The following DLG2 variants were observed in gnomAD, a reference collection of about 807,000 sequenced individuals.
DLG2 encodes the protein disks large homolog 2.
A neutral mutation model predicts 132.5 loss-of-function variants in DLG2; 45 were observed. The ratio of observed to expected loss-of-function variants is 0.34; its 90% CI spans 0.27 to 0.44. The LOEUF is 0.44. Among genes scored for constraint, DLG2 ranks in the 20% least tolerant of loss-of-function variants. DLG2 has a pLI of 1.00. For missense variants in DLG2, 1,045 were observed against 1,196.9 expected, an observed-to-expected ratio of 0.87 and a Z score of 1.87; for synonymous variants, 424 against 419.6, an observed-to-expected ratio of 1.01 and a Z score of -0.13.
At chr11:85,413,204 ATCT>A (rs1183187845) in intron 3 of DLG2, among the ~76,000 whole-genome samples, 1 of 151,848 alleles carries the variant, frequency 6.6e-6, no homozygotes, top group Non-Finnish European at 1.5e-5. Context: ...CCATTTGTAT[ATCT>A]TCTTTTGAGA....
chr11:84,387,125 C>A (rs1356469113), intron 7 of DLG2, among the ~76,000 whole-genome samples: 1 of 151,968 alleles, frequency 6.6e-6, no homozygotes, highest in Non-Finnish European at 1.5e-5. Context: ...AGTTGAGTCC[C>A]AGGTCATCCC....
chr11:83,555,146 G>A (rs1318619166), intron 19 of DLG2, among the ~76,000 whole-genome samples: 1 of 152,222 alleles, frequency 6.6e-6, no homozygotes, highest in African/African-American at 2.4e-5. Flanking sequence ...GGTGGGCAGA[G>A]GGAGCTGCAC....
chr11:84,776,839 T>G lies in DLG2; in HGVS notation c.358-242108A>C, dbSNP rs542414140. ...TTGGTATCTTTCCAGCTATAGAAGATTAGGGATAAATCTGCTATAAGTATT... is the reference window on the plus strand; with the variant it reads ...TTGGTATCTTTCCAGCTATAGAAGAGTAGGGATAAATCTGCTATAAGTATT... On this transcript the variant is annotated intron_variant, in intron 6 of 27. Transcript: ENST00000376104. Among the ~76,000 whole-genome samples the G allele has an allele frequency of 9.9e-5, 15 of 152,280 alleles. No homozygotes were observed. The South Asian group carries it at 3.1e-3, about 32-fold the overall frequency.
chr11:83,737,454 T>C (rs1047478424), intron 18 of DLG2, among the ~76,000 whole-genome samples: 1 of 152,228 alleles, frequency 6.6e-6, no homozygotes, highest in Non-Finnish European at 1.5e-5. Context: ...GGCATACATT[T>C]TCATGCTCTC....
At chr11:83,613,022 C>T (rs563991017) in intron 19 of DLG2, among the ~76,000 whole-genome samples, 1 of 152,306 alleles carries the variant, frequency 6.6e-6, no homozygotes, top group Non-Finnish European at 1.5e-5. Flanking sequence ...CACGTGGAAA[C>T]AGAACATCCC....
intron 6 of DLG2, among the ~76,000 whole-genome samples, chr11:84,980,311 T>A (rs1381189503): frequency 6.6e-6 from 1 of 152,148 alleles, no homozygotes. Context: ...CTACCCAGCA[T>A]TTAAAATGGT....
At chr11:84,880,310 T>C (rs2087095659) in intron 6 of DLG2, among the ~76,000 whole-genome samples, 1 of 152,062 alleles carries the variant, frequency 6.6e-6, no homozygotes, top group Non-Finnish European at 1.5e-5. Context: ...ACTTAAAACA[T>C]GAATAATTTC....
At chr11:84,696,364 G>T (rs2058614988) in intron 6 of DLG2, among the ~76,000 whole-genome samples, 1 of 151,332 alleles carries the variant, frequency 6.6e-6, no homozygotes, top group Non-Finnish European at 1.5e-5. Context: ...ATAAAATTGG[G>T]GCTTAGAGAA....
At chr11:84,244,217 C>G (rs768542313) in intron 8 of DLG2, among the ~76,000 whole-genome samples, 7 of 152,104 alleles carry the variant, frequency 4.6e-5, no homozygotes, top group Non-Finnish European at 8.8e-5. Context: ...GAGTCTCACT[C>G]TCTCACCCAG....
chr11:85,141,337 A>T (rs898846633), intron 5 of DLG2, among the ~76,000 whole-genome samples: 1 of 151,832 alleles, frequency 6.6e-6, no homozygotes, highest in Non-Finnish European at 1.5e-5. Context: ...AGTATTTTTC[A>T]TATATCTATT....
intron 15 of DLG2, among the ~76,000 whole-genome samples, chr11:83,920,398 C>A (rs1309225871): frequency 6.6e-6 from 1 of 152,148 alleles, no homozygotes; most frequent in Non-Finnish European, 1.5e-5. Context: ...TAAAATTCTA[C>A]ATTCTAAAAT....
intron 17 of DLG2, among the ~76,000 whole-genome samples, chr11:83,813,723 C>T (rs200582409): frequency 1.3e-5 from 2 of 152,076 alleles, no homozygotes; most frequent in East Asian, 1.9e-4. Flanking sequence ...ATAAGTCTAC[C>T]TTCATTTCTG....
intron 18 of DLG2, among the ~76,000 whole-genome samples, chr11:83,668,686 TATATATGTGTATATAAACAC>T (rs1474585735): frequency 6.0e-5 from 1 of 16,748 alleles, no homozygotes. Flanking sequence ...TGTATGTGTA[TATATATGTGTATATAAACAC>T]ATATATATGT....
intron 6 of DLG2, among the ~76,000 whole-genome samples, chr11:84,737,660 A>G (rs1159287626): frequency 6.6e-6 from 1 of 151,826 alleles, no homozygotes; most frequent in African/African-American, 2.4e-5. Context: ...GGAATGGAAC[A>G]ATATTGTCAG....
chr11:83,708,670 T>C (rs993911975), intron 18 of DLG2, among the ~76,000 whole-genome samples: 7 of 152,234 alleles, frequency 4.6e-5, no homozygotes, highest in African/African-American at 1.7e-4. Context: ...TAAAGTACTG[T>C]ATTTTCCTTA....
chr11:84,336,963 T>C (rs1427759246), intron 7 of DLG2, among the ~76,000 whole-genome samples: 1 of 152,212 alleles, frequency 6.6e-6, no homozygotes, highest in Non-Finnish European at 1.5e-5. Flanking sequence ...ACTACACAAA[T>C]ATATGCATAT....
intron 6 of DLG2, among the ~76,000 whole-genome samples, chr11:84,837,345 T>C (rs116332574): frequency 0.02 from 2,966 of 151,836 alleles, 97 homozygotes; most frequent in African/African-American, 0.068. Context: ...AACACCATTG[T>C]TTAAATAAGG....
intron 3 of DLG2, among the ~76,000 whole-genome samples, chr11:85,399,911 A>C (rs1225740974): frequency 6.6e-6 from 1 of 152,184 alleles, no homozygotes; most frequent in Non-Finnish European, 1.5e-5. Context: ...CAATGGCAAC[A>C]AAAGCCAAAA....
chr11:84,449,617 C>T (rs2099045601), intron 7 of DLG2, among the ~76,000 whole-genome samples: 1 of 151,870 alleles, frequency 6.6e-6, no homozygotes, highest in African/African-American at 2.4e-5. Flanking sequence ...ATTTTGTCCA[C>T]TAAAGTACTT....
Sources: gnomAD v4.1 joint callset for allele counts (sites outside exome capture counted in the v4.1 genomes callset) on GRCh38, gnomAD v4.1.1 for gene constraint, MANE v1.5 for transcripts, NCBI Gene and HGNC (gene_info 2026-07-23, HGNC 2026-07-21) for gene names.